ZFAT: variants seen among roughly 807,000 people sequenced by gnomAD.
ZFAT encodes the protein zinc finger protein ZFAT.
A neutral mutation model predicts 117.7 loss-of-function variants in ZFAT; 64 were observed. The observed-to-expected ratio is 0.54, with a 90% CI of 0.44 to 0.67. The LOEUF (loss-of-function observed/expected upper bound fraction) is 0.67. Ranked by LOEUF, ZFAT falls within the 30% of genes least tolerant of loss-of-function variation. The pLI is 0.00. For missense variants in ZFAT, 1,433 were observed against 1,584.5 expected (o/e 0.90, Z 1.62); for synonymous variants, 679 against 615.0 (o/e 1.10, Z -1.54).
intron 3 of ZFAT, among the ~76,000 whole-genome samples, chr8:134,616,093 C>G (rs553506172): frequency 6.6e-6 from 1 of 152,142 alleles, no homozygotes; most frequent in East Asian, 1.9e-4. Context: ...AGACTCTGGC[C>G]TACAAAAGCA....
intron 1 of ZFAT, among the ~76,000 whole-genome samples, chr8:134,667,185 G>A (rs572677935): frequency 3.9e-5 from 6 of 152,270 alleles, no homozygotes; most frequent in African/African-American, 1.2e-4. Flanking sequence ...GGTAATGCAC[G>A]CAGGGTTTAA....
the ZFAT span, among the ~76,000 whole-genome samples, chr8:134,831,399 A>C: frequency 6.6e-6 from 1 of 152,186 alleles, no homozygotes; most frequent in Non-Finnish European, 1.5e-5. Context: ...ATAAGCAACA[A>C]ACATTAAACA....
chr8:134,773,984 ATTTTTTTTTTTTT>A, the ZFAT span, among the ~76,000 whole-genome samples: 2 of 103,300 alleles, frequency 1.9e-5, no homozygotes, highest in Admixed American at 1.1e-4. Context: ...TTGAGGATTA[ATTTTTTTTTTTTT>A]TTTTTTTTTT....
chr8:134,742,777 C>T, the ZFAT span, among the ~76,000 whole-genome samples: 3 of 152,214 alleles, frequency 2.0e-5, no homozygotes, highest in African/African-American at 7.2e-5. Flanking sequence ...ATATCCCAGA[C>T]CTTCTGGAGC....
At chr8:134,494,526 C>T (rs1468218457) in intron 15 of ZFAT, among the ~76,000 whole-genome samples, 2 of 152,158 alleles carry the variant, frequency 1.3e-5, no homozygotes, top group East Asian at 3.9e-4. Flanking sequence ...AATCTGCTTC[C>T]ACTAGCAGTT....
At chr8:134,510,484 C>T (rs1819742981) in intron 14 of ZFAT, among the ~76,000 whole-genome samples, 1 of 152,076 alleles carries the variant, frequency 6.6e-6, no homozygotes, top group Non-Finnish European at 1.5e-5. Flanking sequence ...TTCTGTGGGC[C>T]GTGTTCCAAT....
chr8:134,763,051 C>T, the ZFAT span, among the ~76,000 whole-genome samples: 2 of 152,196 alleles, frequency 1.3e-5, no homozygotes, highest in African/African-American at 4.8e-5. Flanking sequence ...TCCCTACAAT[C>T]TCATCAGAGT....
At chr8:134,763,835 A>G in the ZFAT span, among the ~76,000 whole-genome samples, 2 of 152,212 alleles carry the variant, frequency 1.3e-5, no homozygotes, top group Non-Finnish European at 2.9e-5. Flanking sequence ...CTCTATAGTT[A>G]GATGATGGTC....
intron 9 of ZFAT, among the ~76,000 whole-genome samples, chr8:134,585,152 C>T (rs1014836186): frequency 6.6e-6 from 1 of 152,182 alleles, no homozygotes. Flanking sequence ...CTTCAGAGCA[C>T]CAGATCCCTC....
intron 2 of ZFAT, among the ~76,000 whole-genome samples, chr8:134,642,166 T>A (rs555981999): frequency 6.6e-6 from 1 of 152,344 alleles, no homozygotes; most frequent in East Asian, 1.9e-4. Context: ...CAGAACCAGC[T>A]GCTGAGCACG....
intron 10 of ZFAT, among the ~76,000 whole-genome samples, chr8:134,578,125 T>C (rs1825446055): frequency 1.3e-5 from 2 of 152,036 alleles, no homozygotes; most frequent in South Asian, 4.1e-4. Context: ...GGAACAAGAA[T>C]GAAGATAGGC....
At chr8:134,624,943 C>T (rs1004498209) in intron 3 of ZFAT, among the ~76,000 whole-genome samples, 25 of 150,732 alleles carry the variant, frequency 1.7e-4, no homozygotes, top group African/African-American at 6.0e-4. Context: ...CTCAGAATGC[C>T]CCAGAGAGTA....
At chr8:134,727,462 C>T in the ZFAT span, among the ~76,000 whole-genome samples, 4,470 of 152,238 alleles carry the variant, frequency 0.029, 216 homozygotes, top group African/African-American at 0.1. Context: ...TCTCTCTGAT[C>T]ATTGAAGACC....
intron 1 of ZFAT, among the ~76,000 whole-genome samples, chr8:134,660,455 C>A (rs1335155042): frequency 6.6e-6 from 1 of 152,228 alleles, no homozygotes; most frequent in African/African-American, 2.4e-5. Context: ...GCAGTAACCA[C>A]AGGTGGGCCC....
intron 7 of ZFAT, among the ~76,000 whole-genome samples, chr8:134,592,721 T>C (rs1248494642): frequency 1.3e-5 from 2 of 152,176 alleles, no homozygotes. Flanking sequence ...GCCCTTCTCA[T>C]GGGCTAATAT....
At chr8:134,631,569 T>A (rs186297359) in intron 3 of ZFAT, among the ~76,000 whole-genome samples, 2 of 152,332 alleles carry the variant, frequency 1.3e-5, no homozygotes, top group Admixed American at 1.3e-4. Context: ...AAAGGTCACA[T>A]ACTGTGTGAG....
In ZFAT at chr8:134,478,349, T is replaced by C; in HGVS notation, c.*133A>G. ...ACCCCAAGTTGGACTAGGAGAGTCCTATCAGGCTGCTGGGCAGGGAGGGCA... is the reference window on the plus strand; with the variant it reads ...ACCCCAAGTTGGACTAGGAGAGTCCCATCAGGCTGCTGGGCAGGGAGGGCA... On this transcript the variant is annotated 3_prime_UTR_variant, in exon 16 of 16. Transcript: ENST00000377838. The surrounding 1 kb of genome is among the most constrained non-coding windows in gnomAD (Gnocchi z 5.2). 1 of 1,370,548 alleles carries C rather than the reference T, an allele frequency of 7.3e-7. No homozygotes were observed. Among genetic ancestry groups the C allele is most frequent in the Non-Finnish European group, 9.7e-7 (1 of 1,028,908 alleles). The allele number at this position is 1,370,548 out of a possible 1,614,324, so 84.9% of individuals were successfully genotyped here.
chr8:134,619,274 T>TAA (rs1211245100), intron 3 of ZFAT, among the ~76,000 whole-genome samples: 1 of 151,788 alleles, frequency 6.6e-6, no homozygotes, highest in African/African-American at 2.4e-5. Flanking sequence ...TTTATAGTAA[T>TAA]AAAAAATAGA....
chr8:134,526,202 G>A (rs1457331541), intron 12 of ZFAT, among the ~76,000 whole-genome samples: 2 of 152,096 alleles, frequency 1.3e-5, no homozygotes, highest in African/African-American at 4.8e-5. Flanking sequence ...ATTCAGAGAG[G>A]AAAACATTCT....
Sources: allele counts gnomAD v4.1 joint callset (sites outside exome capture counted in the v4.1 genomes callset), GRCh38; gene constraint gnomAD v4.1.1; non-coding constraint Gnocchi (gnomAD v3.1); transcripts MANE v1.5; gene names NCBI Gene and HGNC (gene_info 2026-07-23, HGNC 2026-07-21).